Variants in ZNF385D observed in about 807,000 individuals in gnomAD.
ZNF385D encodes the protein zinc finger protein 659.
In ZNF385D, 15 loss-of-function variants were observed where a neutral mutation model predicts 35.8. The ratio of observed to expected loss-of-function variants is 0.42; its 90% CI spans 0.28 to 0.64. The LOEUF (loss-of-function observed/expected upper bound fraction) is 0.64, where lower values mean the gene tolerates loss of function less well. Among genes scored for constraint, ZNF385D ranks in the 30% least tolerant of loss-of-function variants. The pLI is 0.23. For synonymous variants in ZNF385D, 212 were observed against 186.8 expected (o/e 1.13, Z -1.10); for missense variants, 474 against 494.6 (o/e 0.96, Z 0.39).
chr3:21,821,474 C>T (rs572223272), intron 3 of ZNF385D, among the ~76,000 whole-genome samples: 1 of 152,216 alleles, frequency 6.6e-6, no homozygotes, highest in South Asian at 2.1e-4. Flanking sequence ...ATACAGCAAA[C>T]ATATTTAATC....
At chr3:22,143,702 TTCC>T (rs1704670011) in intron 3 of ZNF385D, among the ~76,000 whole-genome samples, 1 of 152,208 alleles carries the variant, frequency 6.6e-6, no homozygotes, top group Non-Finnish European at 1.5e-5. Flanking sequence ...TATTAACAAA[TTCC>T]TCCAAAATTT....
intron 2 of ZNF385D, among the ~76,000 whole-genome samples, chr3:21,612,894 T>G (rs535269927): frequency 3.9e-5 from 6 of 152,118 alleles, no homozygotes; most frequent in Non-Finnish European, 8.8e-5. Context: ...ATGAAGAAAT[T>G]TTCACAGTCC....
intron 3 of ZNF385D, among the ~76,000 whole-genome samples, chr3:21,966,387 G>C (rs181605555): frequency 6.6e-6 from 1 of 152,196 alleles, no homozygotes; most frequent in South Asian, 2.1e-4. Flanking sequence ...ATACCTGAAA[G>C]AGAAACTTTA....
chr3:21,911,005 A>G (rs894549598), intron 3 of ZNF385D, among the ~76,000 whole-genome samples: 2 of 151,980 alleles, frequency 1.3e-5, no homozygotes, highest in Non-Finnish European at 2.9e-5. Context: ...GATGAAATGT[A>G]TATATGTGGT....
intron 3 of ZNF385D, among the ~76,000 whole-genome samples, chr3:21,956,972 C>T (rs964198124): frequency 6.6e-6 from 1 of 151,944 alleles, no homozygotes; most frequent in African/African-American, 2.4e-5. Context: ...AGAATTCCGA[C>T]GTGTTGTGGG....
At chr3:22,058,109 G>A (rs916182327) in intron 3 of ZNF385D, among the ~76,000 whole-genome samples, 2 of 152,178 alleles carry the variant, frequency 1.3e-5, no homozygotes, top group African/African-American at 4.8e-5. Flanking sequence ...ACAGCAGAAA[G>A]GAATTTCATG....
At position 21,511,002 on chromosome 3, in the gene ZNF385D, T is replaced by C; in HGVS notation, c.298A>G (p.Lys100Glu). 6.2e-7 allele frequency: 1 copy of C among 1,614,096 alleles called. No homozygotes were observed. Among genetic ancestry groups the C allele is most frequent in the Non-Finnish European group, 8.5e-7 (1 of 1,179,988 alleles). ...AGCTTCTTGGCATGTTTCGTGCCTT[T>C]GTAGTGGGCCGCAGCCTGGCTCTAC... ...NSDSQAAAHY[K>E]GTKHAKKLKA... The change falls in exon 4 of 8, where the codon AAA (lysine) becomes GAA (glutamate). Residue 100 changes from lysine (K) to glutamate (E), a missense_variant. Lys to Glu is a moderately conservative substitution (Grantham distance 56). Coordinates refer to ENST00000281523, the MANE Select transcript of ZNF385D (RefSeq NM_024697.3).
At chr3:21,469,294 A>G (rs1237716577) in intron 4 of ZNF385D, among the ~76,000 whole-genome samples, 1 of 152,220 alleles carries the variant, frequency 6.6e-6, no homozygotes, top group Non-Finnish European at 1.5e-5. Context: ...AAAAATAATC[A>G]TGGTCACATT....
intron 2 of ZNF385D, among the ~76,000 whole-genome samples, chr3:22,196,036 A>AG (rs1363255797): frequency 6.6e-6 from 1 of 151,988 alleles, no homozygotes; most frequent in African/African-American, 2.4e-5. Context: ...GTGGAGGGTA[A>AG]GAGGAGGAAG....
chr3:21,480,100 A>ATTTTTT, intron 4 of ZNF385D, among the ~76,000 whole-genome samples: 1 of 133,570 alleles, frequency 7.5e-6, no homozygotes, highest in Non-Finnish European at 1.6e-5. Flanking sequence ...GAATGTAAGA[A>ATTTTTT]TTTTTTTTTT....
chr3:22,248,174 G>T (rs1032039838), intron 2 of ZNF385D, among the ~76,000 whole-genome samples: 1 of 152,200 alleles, frequency 6.6e-6, no homozygotes, highest in South Asian at 2.1e-4. Flanking sequence ...TGTAATCAAA[G>T]TTATTCTGTC....
intron 2 of ZNF385D, among the ~76,000 whole-genome samples, chr3:22,224,701 T>C (rs1293828148): frequency 6.6e-6 from 1 of 152,160 alleles, no homozygotes; most frequent in Non-Finnish European, 1.5e-5. Context: ...AAGTGAACTA[T>C]TCCTATTAAA....
intron 3 of ZNF385D, among the ~76,000 whole-genome samples, chr3:22,042,664 T>G (rs1226147880): frequency 6.6e-6 from 1 of 152,134 alleles, no homozygotes; most frequent in Non-Finnish European, 1.5e-5. Flanking sequence ...TCTTCCAAGT[T>G]GCACTCCTCT....
intron 3 of ZNF385D, among the ~76,000 whole-genome samples, chr3:21,916,529 A>G (rs1454498724): frequency 2.6e-5 from 4 of 152,220 alleles, no homozygotes; most frequent in Non-Finnish European, 4.4e-5. Flanking sequence ...CAAAGTCACT[A>G]TTTTAACCAC....
At chr3:22,161,995 C>G (rs920764075) in intron 3 of ZNF385D, among the ~76,000 whole-genome samples, 48 of 152,208 alleles carry the variant, frequency 3.2e-4, no homozygotes, top group African/African-American at 1.1e-3. Flanking sequence ...ATTTTCAAAA[C>G]AGAGGTAATA....
At chr3:22,014,991 T>C (rs1696795583) in intron 3 of ZNF385D, among the ~76,000 whole-genome samples, 1 of 152,024 alleles carries the variant, frequency 6.6e-6, no homozygotes, top group Non-Finnish European at 1.5e-5. Flanking sequence ...TCATTCATCA[T>C]ACATGTCTTT....
intron 4 of ZNF385D, among the ~76,000 whole-genome samples, chr3:21,471,332 CA>C (rs1559323825): frequency 4.1e-4 from 51 of 123,692 alleles, no homozygotes; most frequent in Admixed American, 3.2e-3. Flanking sequence ...CACACACACA[CA>C]CACCTTGGTG....
chr3:22,102,504 C>A (rs890354179), intron 3 of ZNF385D, among the ~76,000 whole-genome samples: 3 of 151,936 alleles, frequency 2.0e-5, no homozygotes, highest in African/African-American at 7.2e-5. Flanking sequence ...TATTTTAACT[C>A]AAGATTTAAT....
At chr3:22,223,690 T>G (rs998334975) in intron 2 of ZNF385D, among the ~76,000 whole-genome samples, 2 of 152,124 alleles carry the variant, frequency 1.3e-5, no homozygotes, top group African/African-American at 4.8e-5. Context: ...ACGAGACAGA[T>G]GCACAAGACA....
Sources: allele counts gnomAD v4.1 joint callset (sites outside exome capture counted in the v4.1 genomes callset), GRCh38; gene constraint gnomAD v4.1.1; transcripts MANE v1.5; gene names NCBI Gene and HGNC (gene_info 2026-07-23, HGNC 2026-07-21).